The following DFFA variants were observed in gnomAD, a reference collection of about 807,000 sequenced individuals.
DFFA encodes DFF45.
DFFA carries 14 observed loss-of-function variants against 28.0 expected under a neutral mutation model. The ratio of observed to expected loss-of-function variants is 0.50; its 90% CI spans 0.33 to 0.78. DFFA has a LOEUF of 0.78. Among genes scored for constraint, DFFA ranks in the 30% least tolerant of loss-of-function variants. DFFA has a pLI of 0.02. For synonymous variants in DFFA, 158 were observed against 170.3 expected (o/e 0.93, Z 0.56); for missense variants, 395 against 407.1 (o/e 0.97, Z 0.26).
intron 5 of DFFA, chr1:10,462,564 C>CG (rs1323554976): frequency 1.0e-6 from 1 of 994,650 alleles, no homozygotes; most frequent in African/African-American, 1.7e-5. Flanking sequence ...CTTCTATCTA[C>CG]AATAGGGAGG....
rs1401325424 is a variant in DFFA at position 10,456,742 on chromosome 1, T to G, written c.*4748A>C. On this transcript the variant is annotated 3_prime_UTR_variant, in exon 6 of 6. Transcript: ENST00000377038. The stretch of plus-strand genomic sequence containing the variant: ...GCTCCTGTCAAAGCCAGTTGCCTCA[T>G]GAGGACCGACATTTGACTTAAGCTG... The G allele has an allele frequency of 6.6e-6, 1 of 152,184 alleles. No homozygotes were observed. The highest frequency in any genetic ancestry group is 1.5e-5 in the Non-Finnish European group (1 of 68,042). The allele number at this position is 152,184 out of a possible 1,614,324, so 9.4% of individuals were successfully genotyped here.
Position 10,463,198 on chromosome 1 carries a change from C to A in DFFA, c.643G>T (p.Ala215Ser). ...LLSKQEESKA[A>S]FGEEVDAVDT... ...ACTGCATCCACCTCCTCACCAAAGG[C>A]AGCTTTGGACTCTGCAAAGGAGACA... is the stretch of plus-strand genomic sequence containing the variant. The change falls in exon 5 of 6, where the codon GCC becomes TCC. Residue 215 changes from alanine to serine, a missense_variant. Coordinates refer to ENST00000377038, the MANE Select transcript of DFFA (RefSeq NM_004401.3). The A allele has an allele frequency of 6.2e-7, 1 of 1,614,044 alleles. No homozygotes were observed. The highest frequency in any genetic ancestry group is 8.5e-7 in the Non-Finnish European group (1 of 1,179,924).
In DFFA at chr1:10,472,252, G is replaced by A; in HGVS notation, c.136+71C>T. 1 of 1,454,156 alleles carries A rather than the reference G, an allele frequency of 6.9e-7. No individual in the cohort carries two copies. The highest frequency in any genetic ancestry group is 9.1e-7 in the Non-Finnish European group (1 of 1,093,052). 90.1% of individuals were successfully genotyped at this position (1,454,156 alleles called of 1,614,324 possible). A position where few individuals can be genotyped will look rare whatever the true frequency, so the allele number is the denominator to read the frequency against. The stretch of plus-strand genomic sequence containing the variant: ...TCCCCAAGTCGCCTCTCCTGACCCC[G>A]CCTCGCCCCCGCCGGACGTCCTCAC... On this transcript the variant is annotated intron_variant, in intron 1 of 5. Coordinates refer to ENST00000377038, the MANE Select transcript of DFFA (RefSeq NM_004401.3). This position sits in a 1 kb window ranked among gnomAD's most constrained non-coding sequence, Gnocchi z 5.0.
rs138842024 is a variant in DFFA at position 10,469,269 on chromosome 1, A to G, written c.206T>C (p.Ile69Thr). The change falls in exon 2 of 6, where the codon ATA (isoleucine) becomes ACA (threonine). Residue 69 changes from isoleucine to threonine, a missense_variant. Physicochemically the swap from Ile to Thr is moderately conservative, Grantham distance 89. Coordinates refer to ENST00000377038, the MANE Select transcript of DFFA (RefSeq NM_004401.3). ...VTLVLAEDGT[I>T]VDDDDYFLCL... The stretch of plus-strand genomic sequence containing the variant: ...CAGAAAGTAATCGTCATCATCCACT[A>G]TGGTGCCATCCTCTGCCAGGACCAG... 7,121 of 1,614,104 alleles carry G rather than the reference A, an allele frequency of 4.4e-3. 32 individuals are homozygous for G. The highest frequency in any genetic ancestry group is 0.015 in the Middle Eastern group (90 of 6,058).
chr1:10,469,416 T>G, intron 1 of DFFA, 78 bp from the exon 2 acceptor site: 1 of 1,352,940 alleles, frequency 7.4e-7, no homozygotes, highest in Non-Finnish European at 1.0e-6. Context: ...CAAGTATGTA[T>G]GGCTCCAGAG....
intron 1 of DFFA, among the ~76,000 whole-genome samples, chr1:10,470,924 G>A (rs1322331799): frequency 6.6e-6 from 1 of 150,824 alleles, no homozygotes; most frequent in Non-Finnish European, 1.5e-5. Context: ...TTAGATGGGC[G>A]TGGTGGTGGG....
At position 10,458,268 on chromosome 1, in the gene DFFA, CA is replaced by C. The variant is rs1298806115; in HGVS notation, c.*3221del. ...AATTATTTTCCTTTTTGCCCTGAAA[CA>C]GTACATCTGGGGCATTATATTAATG... On this transcript the variant is annotated 3_prime_UTR_variant, in exon 6 of 6. Coordinates refer to ENST00000377038, the MANE Select transcript of DFFA (RefSeq NM_004401.3). 8 of 152,254 alleles carry C rather than the reference CA, an allele frequency of 5.3e-5. No individual in the cohort carries two copies. The highest frequency in any genetic ancestry group is 1.9e-4 in the African/African-American group (8 of 41,552). The allele number at this position is 152,254 out of a possible 1,614,324, so 9.4% of individuals were successfully genotyped here. A position where few individuals can be genotyped will look rare whatever the true frequency, so the allele number is the denominator to read the frequency against.
At position 10,459,665 on chromosome 1, in the gene DFFA, A is replaced by G. The variant is rs1640900398; in HGVS notation, c.*1825T>C. On this transcript the variant is annotated 3_prime_UTR_variant, in exon 6 of 6. Coordinates refer to ENST00000377038, the MANE Select transcript of DFFA (RefSeq NM_004401.3). ...CTTAAAATTCTGCCGTACTATCTTC[A>G]GAATAAGGATAATGAATTGGAAATA... 2.0e-5 allele frequency: 3 copies of G among 152,040 alleles called. No homozygotes were observed. In the South Asian group the frequency reaches 6.2e-4, roughly 32 times the overall value. The allele number at this position is 152,040 out of a possible 1,614,324, so 9.4% of individuals were successfully genotyped here.
chr1:10,462,197 C>T (rs542430379), intron 5 of DFFA, among the ~76,000 whole-genome samples: 10 of 152,314 alleles, frequency 6.6e-5, no homozygotes, highest in South Asian at 6.2e-4. Flanking sequence ...ACTCTTGTCG[C>T]CCAGGCTGGA....
chr1:10,464,450 T>C (rs1179991771), intron 3 of DFFA, among the ~76,000 whole-genome samples: 1 of 152,154 alleles, frequency 6.6e-6, no homozygotes, highest in Non-Finnish European at 1.5e-5. Flanking sequence ...TGTAGTGGCT[T>C]ACACCTATAA....
rs1333211576 is a variant in DFFA, at chr1:10,467,183, G to T, written c.441+7C>A. The T allele has an allele frequency of 2.5e-6, 4 of 1,613,882 alleles. No individual in the cohort carries two copies. The East Asian group carries it at 6.7e-5, about 27-fold the overall frequency. ...AACATTGTTGCAGGTTGTGGAGGAG[G>T]CTTTACCTGGAGGTCCTCCTCTGAT... On this transcript the variant is annotated splice_region_variant and intron_variant, in intron 3 of 5. Coordinates refer to ENST00000377038, the MANE Select transcript of DFFA (RefSeq NM_004401.3).
chr1:10,459,481 T>C lies in DFFA; in HGVS notation c.*2009A>G, dbSNP rs1017687749. The C allele has an allele frequency of 2.6e-5, 4 of 152,154 alleles. No individual in the cohort carries two copies. Among genetic ancestry groups the C allele is most frequent in the African/African-American group, 9.7e-5 (4 of 41,430 alleles). 9.4% of individuals were successfully genotyped at this position (152,154 alleles called of 1,614,324 possible). A position where few individuals can be genotyped will look rare whatever the true frequency, so the allele number is the denominator to read the frequency against. On this transcript the variant is annotated 3_prime_UTR_variant, in exon 6 of 6. Coordinates refer to ENST00000377038, the MANE Select transcript of DFFA (RefSeq NM_004401.3). Reference sequence around the variant, plus strand: ...GTGGTGAGATAGAATTTCACAATACTGAGTGAGATATTAGCAATGGACTCT... The same window carrying C: ...GTGGTGAGATAGAATTTCACAATACCGAGTGAGATATTAGCAATGGACTCT...
In DFFA at chr1:10,461,722, C is replaced by G. The variant is rs1244879537; in HGVS notation, c.784-20G>C. ...AACCAACTGCAGCAAGAATAAAAAC[C>G]CCTGAGAACTGGGCCTTCTGTGCGC... On this transcript the variant is annotated intron_variant, in intron 5 of 5. Coordinates refer to ENST00000377038, the MANE Select transcript of DFFA (RefSeq NM_004401.3). 6.2e-7 allele frequency: 1 copy of G among 1,613,226 alleles called. No individual in the cohort carries two copies. The highest frequency in any genetic ancestry group is 8.5e-7 in the Non-Finnish European group (1 of 1,179,618).
chr1:10,466,548 C>T (rs902830674), intron 3 of DFFA, among the ~76,000 whole-genome samples: 4 of 151,948 alleles, frequency 2.6e-5, no homozygotes, highest in African/African-American at 9.7e-5. Context: ...GGCTCAAAGT[C>T]GTGGTGACAG....
Position 10,461,358 on chromosome 1 carries a change from C to G in DFFA, c.*132G>C. 1 of 1,424,672 alleles carries G rather than the reference C, an allele frequency of 7.0e-7. No individual in the cohort carries two copies. The highest frequency in any genetic ancestry group is 2.5e-5 in the East Asian group (1 of 39,774). 88.3% of individuals were successfully genotyped at this position (1,424,672 alleles called of 1,614,324 possible). ...TTGGTGGAACGGCGTATGTTGAGAC[C>G]TGGAATAGCTTCTCTGGAAGGTGCT... On this transcript the variant is annotated 3_prime_UTR_variant, in exon 6 of 6. Coordinates refer to ENST00000377038, the MANE Select transcript of DFFA (RefSeq NM_004401.3).
rs1640979480 is a variant in DFFA, at chr1:10,463,513, C to T, written c.549G>A (p.Glu183=). ...GGAGCTGCTTGGACTGACGCACTTC[C>T]TCTCTTTGGTCAAGCACCTGTTGGA... The part of the protein sequence containing the change: ...HTLQQVLDQR[E]EVRQSKQLLQ... Residue 183 remains glutamate, a synonymous_variant, in exon 4 of 6, where the codon GAG becomes GAA. Coordinates refer to ENST00000377038, the MANE Select transcript of DFFA (RefSeq NM_004401.3). 3.1e-6 allele frequency: 5 copies of T among 1,614,162 alleles called. No homozygotes were observed. Among genetic ancestry groups the T allele is most frequent in the Non-Finnish European group, 4.2e-6 (5 of 1,180,052 alleles).
chr1:10,462,400 G>T, intron 5 of DFFA: 1 of 985,770 alleles, frequency 1.0e-6, no homozygotes, highest in Non-Finnish European at 1.2e-6. Context: ...CCAAAGTACT[G>T]GCATTAACAG....
At position 10,460,530 on chromosome 1, in the gene DFFA, CT is replaced by C. The variant is rs58464882; in HGVS notation, c.*959del. 2.2e-3 allele frequency: 242 copies of C among 109,750 alleles called. 4 individuals carry two copies. Among genetic ancestry groups the C allele is most frequent in the African/African-American group, 4.4e-3 (128 of 29,034 alleles). The allele number at this position is 109,750 out of a possible 1,614,324, so 6.8% of individuals were successfully genotyped here. ...GGTGTGAGCCACTGTCGTGCCTGTCCTTTTTTTTTTTTTTTTTGAGACAGAG... is the reference window on the plus strand; with the variant it reads ...GGTGTGAGCCACTGTCGTGCCTGTCCTTTTTTTTTTTTTTTTGAGACAGAG... On this transcript the variant is annotated 3_prime_UTR_variant, in exon 6 of 6. Transcript: ENST00000377038.
At position 10,472,187 on chromosome 1, in the gene DFFA, G is replaced by T; in HGVS notation, c.136+136C>A. The T allele has an allele frequency of 9.1e-7, 1 of 1,097,928 alleles. No individual in the cohort carries two copies. Among genetic ancestry groups the T allele is most frequent in the Non-Finnish European group, 1.2e-6 (1 of 800,648 alleles). 68.0% of individuals were successfully genotyped at this position (1,097,928 alleles called of 1,614,324 possible). A position where few individuals can be genotyped will look rare whatever the true frequency, so the allele number is the denominator to read the frequency against. On this transcript the variant is annotated intron_variant, in intron 1 of 5. Transcript: ENST00000377038. The surrounding 1 kb of genome is among the most constrained non-coding windows in gnomAD (Gnocchi z 5.0). ...AATCTGTAAATCGCTATGCCCACTC[G>T]GACCGTTTCTGTCCCAAGCCTCCAC...
Sources: gnomAD v4.1 joint callset for allele counts (sites outside exome capture counted in the v4.1 genomes callset) on GRCh38, gnomAD v4.1.1 for gene constraint, Gnocchi (gnomAD v3.1) non-coding constraint, MANE v1.5 for transcripts, NCBI Gene and HGNC (gene_info 2026-07-23, HGNC 2026-07-21) for gene names.